The following SERAC1 variants were observed in gnomAD, a reference collection of about 807,000 sequenced individuals.
The protein encoded by SERAC1 is protein SERAC1.
In SERAC1, 36 loss-of-function variants were observed where a neutral mutation model predicts 85.7. The observed-to-expected ratio is 0.42, with a 90% CI of 0.32 to 0.55. The LOEUF (loss-of-function observed/expected upper bound fraction) is 0.55. SERAC1 is among the 20% of genes least tolerant of loss of function. The pLI is 0.11. For synonymous variants in SERAC1, 242 were observed against 265.3 expected, an observed-to-expected ratio of 0.91 and a Z score of 0.85; for missense variants, 629 against 796.2, an observed-to-expected ratio of 0.79 and a Z score of 2.53.
chr6:158,154,204 G>GTATCTGAA (rs1473452713), intron 3 of SERAC1, among the ~76,000 whole-genome samples: 70 of 149,340 alleles, frequency 4.7e-4, no homozygotes, highest in African/African-American at 9.6e-4. Flanking sequence ...TCTTCGGGAT[G>GTATCTGAA]TATCTGAACA....
chr6:158,164,891 G>C lies in SERAC1; in HGVS notation c.-2+3249C>G, dbSNP rs577331825. ...TTCTGAAAAGTGTCCTTAAAAAGAA[G>C]GGTATGTGCCTTTCTTCCTCCTTCC... is the stretch of plus-strand genomic sequence containing the variant. On this transcript the variant is annotated intron_variant, in intron 1 of 16. Coordinates refer to ENST00000647468, the MANE Select transcript of SERAC1 (RefSeq NM_032861.4). Among the ~76,000 whole-genome samples the C allele has an allele frequency of 2.6e-5, 4 of 152,256 alleles. No homozygotes were observed. The South Asian group carries it at 8.3e-4, about 32-fold the overall frequency.
chr6:158,149,099 C>T, intron 4 of SERAC1, 145 bp from the exon 5 acceptor site: 1 of 570,156 alleles, frequency 1.8e-6, no homozygotes, highest in East Asian at 3.2e-5. Context: ...ACCCCATTCT[C>T]CTGCTTCACA....
In SERAC1 at chr6:158,117,755, C is replaced by T. The variant is rs189064007; in HGVS notation, c.1375G>A (p.Asp459Asn). ...ISVEYDTSLS[D>N]WRARCPMERK... ...TCCATAGGGCACCTTGCTCTCCAGT[C>T]GCTGAGGCTGGTGTCATACTCCACA... is the stretch of plus-strand genomic sequence containing the variant. The change falls in exon 13 of 17, where the codon GAC becomes AAC. Residue 459 changes from aspartate to asparagine, a missense_variant. Coordinates refer to ENST00000647468, the MANE Select transcript of SERAC1 (RefSeq NM_032861.4). This position sits in a 1 kb window ranked among gnomAD's most constrained non-coding sequence, Gnocchi z 4.3. 3.1e-6 allele frequency: 5 copies of T among 1,614,140 alleles called. No homozygotes were observed. In the East Asian group the frequency reaches 6.7e-5, roughly 22 times the overall value.
chr6:158,143,174 G>C lies in SERAC1; in HGVS notation c.620C>G (p.Thr207Ser), dbSNP rs1434992625. The change falls in exon 8 of 17, where the codon ACT (threonine) becomes AGT (serine). Residue 207 changes from threonine to serine, a missense_variant. Coordinates refer to ENST00000647468, the MANE Select transcript of SERAC1 (RefSeq NM_032861.4). Reference protein sequence around the residue: ...PLPSLKEDSSTEEELRQLLAS... With the variant: ...PLPSLKEDSSSEEELRQLLAS... ...CAGCAACTGTCTGAGCTCTTCTTCAGTGGAAGAATCCTGAAATAAAAGGAA... is the reference window on the plus strand; with the variant it reads ...CAGCAACTGTCTGAGCTCTTCTTCACTGGAAGAATCCTGAAATAAAAGGAA... The C allele has an allele frequency of 6.2e-7, 1 of 1,612,960 alleles. No individual in the cohort carries two copies.
chr6:158,146,828 C>T lies in SERAC1; in HGVS notation c.441G>A (p.Thr147=), dbSNP rs753955373. ...LRKSKSDDKT[T]RLEAVREMSE... ...ACATTTCCCGCACAGCCTCGAGTCG[C>T]GTGGTTTTGTCATCTGACTTGCTCT... The change falls in exon 6 of 17, where the codon ACG becomes ACA. Residue 147 remains threonine (T), a synonymous_variant. Coordinates refer to ENST00000647468, the MANE Select transcript of SERAC1 (RefSeq NM_032861.4). 18 of 1,613,884 alleles carry T rather than the reference C, an allele frequency of 1.1e-5. No homozygotes were observed. The South Asian group carries it at 1.3e-4, about 12-fold the overall frequency.
intron 1 of SERAC1, among the ~76,000 whole-genome samples, chr6:158,164,353 T>A (rs1030045562): frequency 6.6e-6 from 1 of 152,032 alleles, no homozygotes; most frequent in Non-Finnish European, 1.5e-5. Context: ...CGGGCACCTG[T>A]AGTCCCAGCT....
chr6:158,147,135 G>A (rs1309880147), intron 5 of SERAC1, among the ~76,000 whole-genome samples: 2 of 151,832 alleles, frequency 1.3e-5, no homozygotes, highest in African/African-American at 4.8e-5. Flanking sequence ...TGGGGGGGCA[G>A]GGGTCAGTTT....
intron 10 of SERAC1, among the ~76,000 whole-genome samples, chr6:158,122,428 G>A (rs1784444531): frequency 6.6e-6 from 1 of 152,214 alleles, no homozygotes; most frequent in East Asian, 1.9e-4. Flanking sequence ...TCAGAGTAAT[G>A]AAAGGTAGAA....
intron 6 of SERAC1, chr6:158,146,116 T>G (rs1388998227): frequency 6.6e-6 from 1 of 152,170 alleles, no homozygotes; most frequent in Non-Finnish European, 1.5e-5. Flanking sequence ...CTTCATTAAA[T>G]AGAAACCAAA....
chr6:158,109,919 C>T lies in SERAC1; in HGVS notation c.*1447G>A, dbSNP rs577369106. ...AGAGAGGGCCACATATTGTATGATTCCATTTACATAAAATTCCCAAATCCA... is the reference window on the plus strand; with the variant it reads ...AGAGAGGGCCACATATTGTATGATTTCATTTACATAAAATTCCCAAATCCA... On this transcript the variant is annotated 3_prime_UTR_variant, in exon 17 of 17. Transcript: ENST00000647468. 6 of 152,278 alleles carry T rather than the reference C, an allele frequency of 3.9e-5. No homozygotes were observed. Among genetic ancestry groups the T allele is most frequent in the Non-Finnish European group, 8.8e-5 (6 of 68,032 alleles). The allele number at this position is 152,278 out of a possible 1,614,324, so 9.4% of individuals were successfully genotyped here.
intron 3 of SERAC1, among the ~76,000 whole-genome samples, chr6:158,153,570 T>C (rs1785256655): frequency 6.6e-6 from 1 of 152,142 alleles, no homozygotes; most frequent in South Asian, 2.1e-4. Context: ...TGTACTCCCA[T>C]CATCAGCATA....
intron 8 of SERAC1, among the ~76,000 whole-genome samples, chr6:158,142,753 G>C (rs1583589131): frequency 6.6e-6 from 1 of 152,148 alleles, no homozygotes; most frequent in Non-Finnish European, 1.5e-5. Flanking sequence ...GGGACCACAG[G>C]CATGAGCCAC....
intron 1 of SERAC1, among the ~76,000 whole-genome samples, chr6:158,165,534 T>C (rs1562464828): frequency 6.6e-6 from 1 of 152,184 alleles, no homozygotes; most frequent in East Asian, 1.9e-4. Flanking sequence ...CCAACAGCTA[T>C]TGGAACATTT....
chr6:158,129,758 A>G lies in SERAC1; in HGVS notation c.852+615T>C, dbSNP rs145824834. On this transcript the variant is annotated intron_variant, in intron 9 of 16. Coordinates refer to ENST00000647468, the MANE Select transcript of SERAC1 (RefSeq NM_032861.4). ...GTCGCCCAGGCTGCAGTGCAGTGGC[A>G]CAATCTCAGTTCACTGCAACCTCTG... 3.9e-3 allele frequency among the ~76,000 whole-genome samples: 587 copies of G among 148,896 alleles called. 6 individuals are homozygous for G. The highest frequency in any genetic ancestry group is 0.014 in the African/African-American group (561 of 40,228).
In SERAC1 at chr6:158,119,572, G is replaced by C. The variant is rs1002165354; in HGVS notation, c.1167-402C>G. Among the ~76,000 whole-genome samples, 2 of 152,078 alleles carry C rather than the reference G, an allele frequency of 1.3e-5. No individual in the cohort carries two copies. Among genetic ancestry groups the C allele is most frequent in the African/African-American group, 4.8e-5 (2 of 41,354 alleles). ...AGTTTCAAAGTCAGTATATATAAAA[G>C]AGATTTTCAAAAATGTGTTAAGGAA... On this transcript the variant is annotated intron_variant, in intron 11 of 16. Coordinates refer to ENST00000647468, the MANE Select transcript of SERAC1 (RefSeq NM_032861.4). This position sits in a 1 kb window ranked among gnomAD's most constrained non-coding sequence, Gnocchi z 4.5.
intron 2 of SERAC1, among the ~76,000 whole-genome samples, chr6:158,156,820 T>C (rs1198532119): frequency 7.4e-6 from 1 of 134,658 alleles, no homozygotes; most frequent in Non-Finnish European, 1.5e-5. Context: ...ATTTATATAA[T>C]ATATTAATAT....
chr6:158,132,019 G>A (rs1316650734), intron 8 of SERAC1, among the ~76,000 whole-genome samples: 1 of 152,140 alleles, frequency 6.6e-6, no homozygotes, highest in Non-Finnish European at 1.5e-5. Context: ...GAGAGAGTGT[G>A]TGTGTTGGGG....
intron 8 of SERAC1, among the ~76,000 whole-genome samples, chr6:158,132,239 C>G (rs1784695206): frequency 6.6e-6 from 1 of 152,158 alleles, no homozygotes; most frequent in Non-Finnish European, 1.5e-5. Flanking sequence ...TAAGATTCTG[C>G]ATTTTTAGTT....
chr6:158,159,557 T>C (rs1196269051), intron 1 of SERAC1, among the ~76,000 whole-genome samples: 2 of 151,990 alleles, frequency 1.3e-5, no homozygotes, highest in East Asian at 1.9e-4. Context: ...CACTGTAATT[T>C]TTCTCTAATC....
Sources: gnomAD v4.1 joint callset for allele counts (sites outside exome capture counted in the v4.1 genomes callset) on GRCh38, gnomAD v4.1.1 for gene constraint, Gnocchi (gnomAD v3.1) non-coding constraint, MANE v1.5 for transcripts, NCBI Gene and HGNC (gene_info 2026-07-23, HGNC 2026-07-21) for gene names.